DPY19L4: variants seen among roughly 807,000 people sequenced by gnomAD.
DPY19L4 encodes the protein probable C-mannosyltransferase DPY19L4.
DPY19L4 carries 97 observed loss-of-function variants against 102.8 expected under a neutral mutation model. That is an observed-to-expected ratio of 0.94 (90% confidence interval 0.80 to 1.12). DPY19L4 has a LOEUF of 1.12. DPY19L4 is among the 50% of genes most tolerant of loss of function. The probability of loss-of-function intolerance (pLI) is 0.00; values close to 1 mark genes in which losing one functional copy is unlikely to be tolerated. For missense variants in DPY19L4, 815 were observed against 850.4 expected (o/e 0.96, Z 0.52); for synonymous variants, 252 against 283.1 (o/e 0.89, Z 1.10).
At chr8:94,747,514 G>A (rs1811729261) in intron 6 of DPY19L4, among the ~76,000 whole-genome samples, 1 of 151,420 alleles carries the variant, frequency 6.6e-6, no homozygotes, top group African/African-American at 2.4e-5. Flanking sequence ...GTTCCATGGG[G>A]GTCATCCATG....
intron 1 of DPY19L4, among the ~76,000 whole-genome samples, chr8:94,722,150 G>A (rs1032099885): frequency 1.3e-5 from 2 of 151,142 alleles, no homozygotes; most frequent in African/African-American, 2.4e-5. Context: ...GCTCACGCCT[G>A]TAATCCTAAC....
chr8:94,788,193 GCTT>G (rs1219795206), intron 18 of DPY19L4, 141 bp downstream of exon 18: 17 of 403,110 alleles, frequency 4.2e-5, no homozygotes, highest in Non-Finnish European at 5.5e-5. Flanking sequence ...AATGGGGAAA[GCTT>G]CTTAAAAGTA....
intron 13 of DPY19L4, among the ~76,000 whole-genome samples, chr8:94,772,982 C>T (rs184861789): frequency 1.3e-4 from 20 of 152,146 alleles, no homozygotes; most frequent in South Asian, 4.1e-4. Flanking sequence ...GGGCCTGAGG[C>T]GAGCGGATCA....
rs1813413355 is a variant in DPY19L4 at position 94,781,121 on chromosome 8, A to G, written c.1670A>G (p.Gln557Arg). Residue 557 changes from glutamine to arginine, a missense_variant, in exon 16 of 19, where the codon CAG becomes CGG. By Grantham distance (43) the Gln-to-Arg change is conservative. Coordinates refer to ENST00000414645, the MANE Select transcript of DPY19L4 (RefSeq NM_181787.3). ...TTAATGACAGAATTAATGGAACTACAGGAATTCTATGACCCAGATACAGTG... is the reference window on the plus strand; with the variant it reads ...TTAATGACAGAATTAATGGAACTACGGGAATTCTATGACCCAGATACAGTG... ...PRLMTELMEL[Q>R]EFYDPDTVEL... 3 of 1,596,318 alleles carry G rather than the reference A, an allele frequency of 1.9e-6. No homozygotes were observed. Among genetic ancestry groups the G allele is most frequent in the Non-Finnish European group, 2.6e-6 (3 of 1,176,242 alleles).
intron 6 of DPY19L4, among the ~76,000 whole-genome samples, chr8:94,750,927 C>T (rs764097943): frequency 2.0e-5 from 3 of 151,014 alleles, no homozygotes; most frequent in Admixed American, 1.3e-4. Flanking sequence ...GGGTTATAGA[C>T]GTGCCACCAT....
chr8:94,787,239 A>G (rs1381150504), intron 17 of DPY19L4, among the ~76,000 whole-genome samples: 1 of 152,216 alleles, frequency 6.6e-6, no homozygotes, highest in East Asian at 1.9e-4. Context: ...TTAAAAATAA[A>G]TAAAATTGTA....
intron 2 of DPY19L4, among the ~76,000 whole-genome samples, chr8:94,728,039 G>A (rs11776635): frequency 0.13 from 19,858 of 151,980 alleles, 1,379 homozygotes; most frequent in African/African-American, 0.17. Context: ...TCTGCTTACT[G>A]CAACCTCCAT....
chr8:94,739,239 G>A (rs1811327551), intron 4 of DPY19L4, among the ~76,000 whole-genome samples, 174 bp from the exon 5 acceptor site: 1 of 152,018 alleles, frequency 6.6e-6, no homozygotes, highest in Non-Finnish European at 1.5e-5. Flanking sequence ...ATTTGTCTCA[G>A]GATATAGATA....
In DPY19L4 at chr8:94,774,379, A is replaced by C. The variant is rs528430359; in HGVS notation, c.1455-3287A>C. Among the ~76,000 whole-genome samples the C allele has an allele frequency of 6.6e-5, 10 of 151,364 alleles. No individual in the cohort carries two copies. The South Asian group carries it at 2.1e-3, about 31-fold the overall frequency. On this transcript the variant is annotated intron_variant, in intron 13 of 18. Transcript: ENST00000414645. ...AGTTTTTTTAAAATTATGATAAAGA[A>C]GTACATAACATAAAATCTACCATCT...
At chr8:94,767,256 G>A in intron 11 of DPY19L4, among the ~76,000 whole-genome samples, 1 of 150,908 alleles carries the variant, frequency 6.6e-6, no homozygotes, top group East Asian at 1.9e-4. Flanking sequence ...AGATGGATGA[G>A]AAATGAGAAT....
chr8:94,766,466 C>CCTTG, intron 10 of DPY19L4, 146 bp from the exon 11 acceptor site: 1 of 641,028 alleles, frequency 1.6e-6, no homozygotes, highest in South Asian at 2.3e-5. Context: ...CAGTAAATCT[C>CCTTG]CTTGCTTCAT....
At chr8:94,760,839 T>C (rs1586376237) in intron 7 of DPY19L4, among the ~76,000 whole-genome samples, 3 of 152,154 alleles carry the variant, frequency 2.0e-5, no homozygotes. Context: ...ACATGGGAGA[T>C]GACATTTTGA....
intron 13 of DPY19L4, among the ~76,000 whole-genome samples, chr8:94,776,026 CTTTTTTT>C (rs1165180641): frequency 2.5e-5 from 2 of 81,500 alleles, no homozygotes; most frequent in African/African-American, 4.9e-5. Context: ...ATTTTTAAAT[CTTTTTTT>C]TTTTTTTTTT....
chr8:94,758,346 CACTG>C (rs1390380235), intron 7 of DPY19L4, among the ~76,000 whole-genome samples: 2 of 152,120 alleles, frequency 1.3e-5, no homozygotes, highest in African/African-American at 4.8e-5. Flanking sequence ...TTAATTCAGG[CACTG>C]ACTTTCTTCA....
At chr8:94,746,054 ATTTTT>A (rs35095979) in intron 6 of DPY19L4, among the ~76,000 whole-genome samples, 2 of 67,120 alleles carry the variant, frequency 3.0e-5, no homozygotes, top group African/African-American at 1.3e-4. Flanking sequence ...ATGCCTGGCC[ATTTTT>A]TTTTTTTTTT....
In DPY19L4 at chr8:94,720,502, G is replaced by A. The variant is rs909446042; in HGVS notation, c.16+488G>A. On this transcript the variant is annotated intron_variant, in intron 1 of 18. Transcript: ENST00000414645. ...TGGGATAAACGTGGCAAGATTAATT[G>A]GGAATGGGCGAACACGCAGAAACTG... Among the ~76,000 whole-genome samples, 4 of 152,180 alleles carry A rather than the reference G, an allele frequency of 2.6e-5. No homozygotes were observed. In the East Asian group the frequency reaches 7.7e-4, roughly 29 times the overall value.
intron 14 of DPY19L4, among the ~76,000 whole-genome samples, chr8:94,778,988 T>C (rs1051701783): frequency 2.0e-5 from 3 of 151,992 alleles, no homozygotes; most frequent in African/African-American, 7.2e-5. Context: ...TGGGAAGAAA[T>C]TGGGATGTGT....
chr8:94,741,962 C>T, intron 6 of DPY19L4, among the ~76,000 whole-genome samples: 1 of 152,218 alleles, frequency 6.6e-6, no homozygotes, highest in East Asian at 1.9e-4. Context: ...GTGCCTGTTA[C>T]AGGACATTTT....
intron 6 of DPY19L4, among the ~76,000 whole-genome samples, chr8:94,750,361 G>A (rs72676948): frequency 0.17 from 25,679 of 152,210 alleles, 2,902 homozygotes; most frequent in Non-Finnish European, 0.25. Context: ...TGTTCTTGAA[G>A]TATGTTTATT....
Sources: gnomAD v4.1 joint callset for allele counts (sites outside exome capture counted in the v4.1 genomes callset) on GRCh38, gnomAD v4.1.1 for gene constraint, MANE v1.5 for transcripts, NCBI Gene and HGNC (gene_info 2026-07-23, HGNC 2026-07-21) for gene names.